The following BCL2L13 variants were observed in gnomAD, a reference collection of about 807,000 sequenced individuals.
BCL2L13 encodes bcl-2-like protein 13.
A neutral mutation model predicts 25.8 loss-of-function variants in BCL2L13; 13 were observed. That is an observed-to-expected ratio of 0.50 (90% CI 0.33 to 0.80). BCL2L13 has a LOEUF of 0.80. BCL2L13 is among the 30% of genes least tolerant of loss of function. The pLI, the probability that BCL2L13 is intolerant of heterozygous loss-of-function variation, is 0.02. For missense variants in BCL2L13, 504 were observed against 574.9 expected (o/e 0.88, Z 1.26); for synonymous variants, 244 against 230.3 (o/e 1.06, Z -0.54).
Position 17,719,785 on chromosome 22 carries a change from C to T in BCL2L13, c.601-6892C>T, listed in dbSNP as rs1045317683. ...CGGAGGTTGCAGTGAGCCGAGATCA[C>T]GCCACTGCACTCCAGCCTGGCGAAA... On this transcript the variant is annotated intron_variant, in intron 6 of 6. Coordinates refer to ENST00000317582, the MANE Select transcript of BCL2L13 (RefSeq NM_015367.4). 2.0e-5 allele frequency among the ~76,000 whole-genome samples: 3 copies of T among 148,068 alleles called. No homozygotes were observed. In the East Asian group the frequency reaches 6.0e-4, roughly 30 times the overall value.
chr22:17,628,930 C>A (rs2057945436), exon 1 of BCL2L13: 5 of 497,922 alleles, frequency 1.0e-5, no homozygotes, highest in Non-Finnish European at 1.8e-5. Context: ...AAACTGGGAT[C>A]TTGGGTAGGA....
rs1036747234 is a variant in BCL2L13 at position 17,660,816 on chromosome 22, C to T, written c.121+4984C>T. ...TTTGTTTGCTTTTCTTTGAGACAGT[C>T]TCGCTCTCGTCAGGTGGGAGTGCAG... On this transcript the variant is annotated intron_variant, in intron 2 of 6. Transcript: ENST00000317582. Among the ~76,000 whole-genome samples, 8 of 146,050 alleles carry T rather than the reference C, an allele frequency of 5.5e-5. 1 individual carries two copies. Among genetic ancestry groups the T allele is most frequent in the Non-Finnish European group, 1.1e-4 (7 of 64,292 alleles).
chr22:17,695,693 C>T (rs2060245733), intron 4 of BCL2L13: 3 of 152,368 alleles, frequency 2.0e-5, no homozygotes, highest in Non-Finnish European at 4.4e-5. Flanking sequence ...ACTCTTGTCT[C>T]CTCAATATGA....
intron 1 of BCL2L13, among the ~76,000 whole-genome samples, chr22:17,641,016 G>A (rs995896399): frequency 6.6e-6 from 1 of 151,362 alleles, no homozygotes; most frequent in South Asian, 2.1e-4. Flanking sequence ...TCAGCCTCCC[G>A]AGTAGCTGGG....
chr22:17,657,636 C>G (rs907422884), intron 2 of BCL2L13, among the ~76,000 whole-genome samples: 1 of 152,044 alleles, frequency 6.6e-6, no homozygotes, highest in Admixed American at 6.6e-5. Context: ...CTCAGCCTTC[C>G]GAGTAGCTGG....
intron 6 of BCL2L13, among the ~76,000 whole-genome samples, chr22:17,721,769 A>G (rs1345292819): frequency 2.0e-5 from 3 of 151,602 alleles, no homozygotes; most frequent in Admixed American, 6.6e-5. Context: ...CAGGTGATCC[A>G]CCCACCTTAG....
At chr22:17,629,288 C>G (rs933288987) in intron 1 of BCL2L13, among the ~76,000 whole-genome samples, 1 of 152,084 alleles carries the variant, frequency 6.6e-6, no homozygotes, top group Non-Finnish European at 1.5e-5. Flanking sequence ...TTGTAGGTTT[C>G]TCCACTCTGA....
At chr22:17,726,654 T>C (rs2061307078) in intron 6 of BCL2L13, 23 bp from the exon 7 acceptor site, 1 of 1,591,658 alleles carries the variant, frequency 6.3e-7, no homozygotes, top group African/African-American at 1.3e-5. Flanking sequence ...TCTTTATTAT[T>C]GACGCTTGTC....
At chr22:17,628,946 A>G (rs1025007824) in exon 1 of BCL2L13, 1 of 467,540 alleles carries the variant, frequency 2.1e-6, no homozygotes. Flanking sequence ...TAGGAGGAAG[A>G]AAAGATAAGG....
intron 6 of BCL2L13, among the ~76,000 whole-genome samples, chr22:17,706,340 T>C (rs1417587991): frequency 6.6e-6 from 1 of 151,996 alleles, no homozygotes; most frequent in East Asian, 1.9e-4. Flanking sequence ...TTTTTTTTTT[T>C]TTTTCACTCT....
At chr22:17,661,323 C>T (rs569800067) in intron 2 of BCL2L13, among the ~76,000 whole-genome samples, 1 of 145,342 alleles carries the variant, frequency 6.9e-6, no homozygotes, top group East Asian at 1.9e-4. Context: ...GAACTCCTAA[C>T]CTCGTGTTCC....
intron 2 of BCL2L13, among the ~76,000 whole-genome samples, chr22:17,661,710 T>A (rs2043944857): frequency 6.9e-6 from 1 of 145,812 alleles, no homozygotes; most frequent in Non-Finnish European, 1.6e-5. Context: ...CATAATTATG[T>A]GCCGGGTGTG....
At chr22:17,671,644 G>A (rs1044019265) in intron 2 of BCL2L13, among the ~76,000 whole-genome samples, 7 of 151,780 alleles carry the variant, frequency 4.6e-5, no homozygotes, top group African/African-American at 1.7e-4. Flanking sequence ...TCCTCAGGCT[G>A]GTCTCAAACT....
At chr22:17,724,386 T>C (rs1235298541) in intron 6 of BCL2L13, among the ~76,000 whole-genome samples, 1 of 152,186 alleles carries the variant, frequency 6.6e-6, no homozygotes, top group African/African-American at 2.4e-5. Context: ...TGGTACACAG[T>C]TGGAGCTGGG....
At chr22:17,634,724 C>T (rs979891072), upstream of BCL2L13, among the ~76,000 whole-genome samples, 1 of 152,038 alleles carries the variant, frequency 6.6e-6, no homozygotes, top group African/African-American at 2.4e-5. Flanking sequence ...AGGCGGATCA[C>T]TTGAGCCCAG....
rs1435618000 is a variant in BCL2L13, at chr22:17,702,313, G to GC, written c.528dup (p.Ala177ArgfsTer29). The GC allele has an allele frequency of 3.7e-6, 6 of 1,612,628 alleles. No individual in the cohort carries two copies. The highest frequency in any genetic ancestry group is 3.4e-6 in the Non-Finnish European group (4 of 1,179,374). ...ACAAGACGTGGTCAAGAACCTTTGA[G>GC]CGCACTGCTGCAGTTTGGCGTGACA... On this transcript the variant is annotated frameshift_variant, in exon 6 of 7. Transcript: ENST00000317582. LOFTEE classifies it high-confidence loss of function.
chr22:17,665,737 A>G (rs1410243649), intron 2 of BCL2L13, among the ~76,000 whole-genome samples: 1 of 152,150 alleles, frequency 6.6e-6, no homozygotes, highest in African/African-American at 2.4e-5. Flanking sequence ...TATTCTTACC[A>G]ACATTTGTTT....
At chr22:17,640,343 A>G (rs369547936) in intron 1 of BCL2L13, among the ~76,000 whole-genome samples, 2 of 152,082 alleles carry the variant, frequency 1.3e-5, no homozygotes, top group Admixed American at 6.6e-5. Context: ...TATGTGGAAG[A>G]GTATATTCAG....
intron 5 of BCL2L13, among the ~76,000 whole-genome samples, chr22:17,698,747 C>A (rs1446065154): frequency 1.3e-5 from 2 of 151,866 alleles, no homozygotes; most frequent in African/African-American, 4.8e-5. Flanking sequence ...GAAAAGAAAG[C>A]CCATACCTAT....
Sources: allele counts gnomAD v4.1 joint callset (sites outside exome capture counted in the v4.1 genomes callset), GRCh38; gene constraint gnomAD v4.1.1; transcripts MANE v1.5; gene names NCBI Gene and HGNC (gene_info 2026-07-23, HGNC 2026-07-21).